Variants in PENK observed in about 807,000 individuals in gnomAD.
The protein encoded by PENK is proenkephalin-A.
PENK carries 25 observed loss-of-function variants against 24.1 expected under a neutral mutation model. The ratio of observed to expected loss-of-function variants is 1.04; its 90% CI spans 0.76 to 1.45. PENK has a LOEUF of 1.45. Among genes scored for constraint, PENK ranks in the 40% most tolerant of loss-of-function variants. The pLI is 0.00. For missense variants in PENK, 353 were observed against 337.9 expected, an observed-to-expected ratio of 1.04 and a Z score of -0.35; for synonymous variants, 135 against 130.3, an observed-to-expected ratio of 1.04 and a Z score of -0.24.
chr8:56,443,859 T>C (rs1804602136), intron 3 of PENK: 1 of 624,116 alleles, frequency 1.6e-6, no homozygotes, highest in Non-Finnish European at 2.9e-6. Flanking sequence ...TATTGATGGT[T>C]GCTTATTATC....
chr8:56,444,457 T>C (rs1804616369), intron 3 of PENK, among the ~76,000 whole-genome samples: 1 of 152,194 alleles, frequency 6.6e-6, no homozygotes, highest in African/African-American at 2.4e-5. Flanking sequence ...GTGGCATGTT[T>C]TGGATTTTTC....
chr8:56,446,021 ACCC>A, intron 2 of PENK, 65 bp from the exon 3 acceptor site: 4 of 1,481,464 alleles, frequency 2.7e-6, no homozygotes, highest in Non-Finnish European at 3.6e-6. Flanking sequence ...CCTCGGCAGG[ACCC>A]TCGCCGCGAC....
At position 56,441,427 on chromosome 8, in the gene PENK, C is replaced by G; in HGVS notation, c.649G>C (p.Val217Leu). ...QKRYGGFMRR[V>L]GRPEWWMDYQ... is the part of the protein sequence containing the mutation. ...TCCATCCACCACTCTGGGCGACCTA[C>G]TCTTCTCATGAAGCCCCCATATCGC... Residue 217 changes from valine (V) to leucine (L), a missense_variant, in exon 4 of 4, where the codon GTA (valine) becomes CTA (leucine). Physicochemically the swap from Val to Leu is conservative, Grantham distance 32. Coordinates refer to ENST00000451791, the MANE Select transcript of PENK (RefSeq NM_001135690.3). 6.2e-7 allele frequency: 1 copy of G among 1,614,040 alleles called. No individual in the cohort carries two copies. Among genetic ancestry groups the G allele is most frequent in the African/African-American group, 1.3e-5 (1 of 75,064 alleles).
chr8:56,442,876 CTTAAG>C (rs150380470), intron 3 of PENK, among the ~76,000 whole-genome samples: 50,791 of 151,360 alleles, frequency 0.34, 8,713 homozygotes, highest in East Asian at 0.45. Context: ...TTCGAATGAT[CTTAAG>C]TTTTTTTCTA....
rs200109934 is a variant in PENK, at chr8:56,445,912, G to A, written c.42C>T (p.Leu14=). 2 of 1,612,348 alleles carry A rather than the reference G, an allele frequency of 1.2e-6. No individual in the cohort carries two copies. Among genetic ancestry groups the A allele is most frequent in the Admixed American group, 1.7e-5 (1 of 59,966 alleles). The change falls in exon 3 of 4, where the codon CTC becomes CTT. Residue 14 remains leucine (L), a synonymous_variant. Coordinates refer to ENST00000451791, the MANE Select transcript of PENK (RefSeq NM_001135690.3). ...GCACGGTCGCCAGGAGCCCGGGGCC[G>A]AGCAACAGCAGCCAAGTGCAAAGTG... ...FLTLCTWLLL[L]GPGLLATVRA... is the part of the protein sequence containing the mutation.
chr8:56,443,578 AT>A (rs1180124057), intron 3 of PENK: 2 of 169,250 alleles, frequency 1.2e-5, no homozygotes, highest in African/African-American at 4.8e-5. Flanking sequence ...ACGCCTGCTC[AT>A]CTCTGCATCC....
At chr8:56,446,073 A>C in intron 2 of PENK, 117 bp from the exon 3 acceptor site, 1 of 1,217,982 alleles carries the variant, frequency 8.2e-7, no homozygotes, top group Non-Finnish European at 1.1e-6. Context: ...GCCCGCAGGA[A>C]TGCTCCTTTC....
intron 3 of PENK, among the ~76,000 whole-genome samples, chr8:56,442,550 A>C (rs904022891): frequency 2.0e-5 from 3 of 152,136 alleles, no homozygotes; most frequent in Non-Finnish European, 2.9e-5. Context: ...AAATCTGATG[A>C]ATTATTTGCA....
At position 56,441,572 on chromosome 8, in the gene PENK, C is replaced by T; in HGVS notation, c.504G>A (p.Glu168=). ...KELLETGDNR[E]RSHHQDGSDN... ...CACTGCCATCCTGGTGGTGGCTACG[C>T]TCTCGGTTGTCCCCTGTTTCCAGAA... Residue 168 remains glutamate (E), a synonymous_variant, in exon 4 of 4, where the codon GAG becomes GAA. Coordinates refer to ENST00000451791, the MANE Select transcript of PENK (RefSeq NM_001135690.3). The T allele has an allele frequency of 1.2e-6, 2 of 1,613,890 alleles. No homozygotes were observed. Among genetic ancestry groups the T allele is most frequent in the Non-Finnish European group, 1.7e-6 (2 of 1,179,976 alleles).
chr8:56,442,853 G>T (rs1804584616), intron 3 of PENK, among the ~76,000 whole-genome samples: 1 of 148,996 alleles, frequency 6.7e-6, no homozygotes, highest in South Asian at 2.1e-4. Flanking sequence ...TAAAATCATT[G>T]TAAGTCTATA....
At chr8:56,445,438 T>G in intron 3 of PENK, 1 of 461,162 alleles carries the variant, frequency 2.2e-6, no homozygotes, top group East Asian at 3.1e-5. Context: ...AGCTGGGATA[T>G]GTTAGGAGTT....
intron 2 of PENK, 95 bp from the exon 3 acceptor site, chr8:56,446,051 C>G (rs1804658046): frequency 1.5e-6 from 2 of 1,373,608 alleles, no homozygotes; most frequent in Non-Finnish European, 2.0e-6. Flanking sequence ...AGCAGGGGAT[C>G]GTCGAGCAAA....
chr8:56,443,300 A>G (rs893043408), intron 3 of PENK, among the ~76,000 whole-genome samples: 1 of 152,228 alleles, frequency 6.6e-6, no homozygotes, highest in African/African-American at 2.4e-5. Context: ...TTTCCATTCT[A>G]AAGTTGTATC....
rs76377741 is a variant in PENK, at chr8:56,441,875, C to T, written c.201G>A (p.Glu67=). ...PSLKIWETCK[E]LLQLSKPELP... ...GCTCTGGTTTGGACAGCTGCAGGAG[C>T]TCCTTGCAGGTTTCCCAAATTTTCA... Residue 67 remains glutamate (E), a synonymous_variant, in exon 4 of 4, where the codon GAG becomes GAA. Transcript: ENST00000451791. 337 of 1,614,062 alleles carry T rather than the reference C, an allele frequency of 2.1e-4. 2 individuals carry two copies. In the East Asian group the frequency reaches 7.2e-3, roughly 34 times the overall value.
chr8:56,441,433 T>C lies in PENK; in HGVS notation c.643A>G (p.Arg215Gly), dbSNP rs1378041716. ...CACCACTCTGGGCGACCTACTCTTC[T>C]CATGAAGCCCCCATATCGCTTCTGC... ...ELQKRYGGFMRRVGRPEWWMD... is the reference protein window; with the variant it reads ...ELQKRYGGFMGRVGRPEWWMD... The change falls in exon 4 of 4, where the codon AGA becomes GGA. Residue 215 changes from arginine to glycine, a missense_variant. Physicochemically the swap from Arg to Gly is moderately radical, Grantham distance 125. Transcript: ENST00000451791. The C allele has an allele frequency of 1.2e-6, 2 of 1,613,978 alleles. No homozygotes were observed. Among genetic ancestry groups the C allele is most frequent in the Non-Finnish European group, 1.7e-6 (2 of 1,180,030 alleles).
intron 3 of PENK, chr8:56,445,606 C>A: frequency 1.5e-6 from 1 of 657,264 alleles, no homozygotes; most frequent in South Asian, 1.7e-5. Flanking sequence ...CAGATAGTCG[C>A]GGATCCCCGA....
At chr8:56,442,503 A>T (rs1049806879) in intron 3 of PENK, among the ~76,000 whole-genome samples, 4 of 152,152 alleles carry the variant, frequency 2.6e-5, no homozygotes, top group African/African-American at 7.2e-5. Context: ...ACAACAATTT[A>T]AAAAAAGTTT....
chr8:56,442,111 A>G (rs1804572113), intron 3 of PENK, among the ~76,000 whole-genome samples, 174 bp from the exon 4 acceptor site: 1 of 152,192 alleles, frequency 6.6e-6, no homozygotes, highest in South Asian at 2.1e-4. Flanking sequence ...CAAATGAAAC[A>G]AATAAAATTT....
At chr8:56,445,703 C>T in intron 3 of PENK, 113 bp downstream of exon 3, 2 of 1,409,332 alleles carry the variant, frequency 1.4e-6, no homozygotes, top group East Asian at 2.3e-5. Context: ...GCTGCGGCTC[C>T]GACCCGGTGC....
Sources: allele counts gnomAD v4.1 joint callset (sites outside exome capture counted in the v4.1 genomes callset), GRCh38; gene constraint gnomAD v4.1.1; transcripts MANE v1.5; gene names NCBI Gene and HGNC (gene_info 2026-07-23, HGNC 2026-07-21).